The following VWA3B variants were observed in gnomAD, a reference collection of about 807,000 sequenced individuals.
VWA3B encodes the protein von Willebrand factor A domain containing 3B.
In VWA3B, 138 loss-of-function variants were observed where a neutral mutation model predicts 158.3. The observed-to-expected ratio is 0.87, with a 90% CI of 0.76 to 1.00. The LOEUF is 1.00. Ranked by LOEUF, VWA3B falls within the 50% of genes least tolerant of loss-of-function variation. The pLI, the probability that VWA3B is intolerant of heterozygous loss-of-function variation, is 0.00. For synonymous variants in VWA3B, 596 were observed against 587.3 expected, an observed-to-expected ratio of 1.01 and a Z score of -0.21; for missense variants, 1,555 against 1,565.1, an observed-to-expected ratio of 0.99 and a Z score of 0.11.
At chr2:98,131,292 T>C (rs1675851342) in intron 6 of VWA3B, among the ~76,000 whole-genome samples, 1 of 152,202 alleles carries the variant, frequency 6.6e-6, no homozygotes, top group African/African-American at 2.4e-5. Context: ...ATTTCCTTCT[T>C]TTTGTGGCTG....
chr2:98,290,805 C>A, intron 23 of VWA3B, 183 bp downstream of exon 23: 2 of 502,446 alleles, frequency 4.0e-6, no homozygotes, highest in African/African-American at 2.0e-5. Context: ...CGTATTTGGG[C>A]CCCCCAAAAA....
intron 5 of VWA3B, among the ~76,000 whole-genome samples, chr2:98,124,924 G>A (rs756893814): frequency 2.0e-5 from 3 of 152,198 alleles, no homozygotes; most frequent in Non-Finnish European, 2.9e-5. Flanking sequence ...GGAATTTCAA[G>A]TGAAAACATA....
At position 98,145,309 on chromosome 2, in the gene VWA3B, T is replaced by C. The variant is rs142804170; in HGVS notation, c.988+11370T>C. ...GTTGCTTTGTATGTGCCAGGCACTCTTCCAGCCTCTTACCAAATTCCAGCT... is the reference window on the plus strand; with the variant it reads ...GTTGCTTTGTATGTGCCAGGCACTCCTCCAGCCTCTTACCAAATTCCAGCT... On this transcript the variant is annotated intron_variant, in intron 7 of 27. Transcript: ENST00000477737. Among the ~76,000 whole-genome samples the C allele has an allele frequency of 1.9e-3, 289 of 152,356 alleles. 1 individual carries two copies. Among genetic ancestry groups the C allele is most frequent in the African/African-American group, 6.7e-3 (280 of 41,582 alleles).
the VWA3B span, among the ~76,000 whole-genome samples, chr2:98,329,242 A>T: frequency 3.3e-5 from 5 of 152,348 alleles, no homozygotes; most frequent in Middle Eastern, 3.4e-3. Context: ...AAATATCTAA[A>T]ACTTAGGAAG....
intron 9 of VWA3B, among the ~76,000 whole-genome samples, chr2:98,183,179 G>T (rs1052728245): frequency 7.0e-6 from 1 of 143,268 alleles, no homozygotes; most frequent in Admixed American, 6.9e-5. Flanking sequence ...TTAATATATA[G>T]TACAGCTCCC....
chr2:98,243,382 G>C (rs972751899), intron 19 of VWA3B, among the ~76,000 whole-genome samples: 1 of 151,902 alleles, frequency 6.6e-6, no homozygotes, highest in Admixed American at 6.6e-5. Flanking sequence ...TGCCCAGGCT[G>C]GAGTGCAATG....
chr2:98,130,864 T>C (rs1349002661), intron 6 of VWA3B, among the ~76,000 whole-genome samples: 2 of 152,256 alleles, frequency 1.3e-5, no homozygotes, highest in Non-Finnish European at 2.9e-5. Flanking sequence ...ATGCATAGCA[T>C]GTGGAATGAT....
intron 10 of VWA3B, among the ~76,000 whole-genome samples, chr2:98,188,816 GGTT>G (rs894837091): frequency 1.1e-4 from 16 of 152,148 alleles, no homozygotes; most frequent in African/African-American, 3.9e-4. Context: ...AAAAGGTGGG[GGTT>G]GTTTGGATTC....
At chr2:98,171,962 T>C (rs934216744) in intron 8 of VWA3B, among the ~76,000 whole-genome samples, 6 of 152,294 alleles carry the variant, frequency 3.9e-5, no homozygotes, top group African/African-American at 1.4e-4. Flanking sequence ...TAGGGGAGCA[T>C]ACAGATGGGC....
At chr2:98,202,576 A>G (rs960189075) in intron 12 of VWA3B, among the ~76,000 whole-genome samples, 2 of 151,966 alleles carry the variant, frequency 1.3e-5, no homozygotes, top group African/African-American at 4.8e-5. Flanking sequence ...TCCATTTCTT[A>G]GATCTAAGAA....
At chr2:98,135,785 A>C (rs1256113175) in intron 7 of VWA3B, among the ~76,000 whole-genome samples, 1 of 152,182 alleles carries the variant, frequency 6.6e-6, no homozygotes, top group African/African-American at 2.4e-5. Flanking sequence ...AAATGCCAAC[A>C]TTTCAAAGCC....
intron 2 of VWA3B, among the ~76,000 whole-genome samples, chr2:98,093,782 T>C (rs1682523550): frequency 6.6e-6 from 1 of 152,138 alleles, no homozygotes; most frequent in South Asian, 2.1e-4. Context: ...TTGACTAACA[T>C]CTTCCCGATT....
chr2:98,290,445 T>C, intron 22 of VWA3B, 66 bp from the exon 23 acceptor site: 1 of 1,182,614 alleles, frequency 8.5e-7, no homozygotes, highest in Non-Finnish European at 1.2e-6. Context: ...GGCTACCCAG[T>C]ATTTATCATT....
chr2:98,267,036 A>AT (rs1558743527), intron 21 of VWA3B, among the ~76,000 whole-genome samples: 1 of 151,706 alleles, frequency 6.6e-6, no homozygotes, highest in Non-Finnish European at 1.5e-5. Flanking sequence ...AATACCCTTT[A>AT]TTTTTTTCTC....
rs182948317 is a variant in VWA3B at position 98,088,270 on chromosome 2, A to G, written c.-33+907A>G. On this transcript the variant is annotated intron_variant, in intron 1 of 27. Transcript: ENST00000477737. ...GTATAGGAAGTTTGGGGTGTTGATA[A>G]TAAAGTAGCTAGAAGCTTATTGAAT... Among the ~76,000 whole-genome samples the G allele has an allele frequency of 7.2e-4, 109 of 152,336 alleles. No homozygotes were observed. The East Asian group carries it at 0.015, about 21-fold the overall frequency.
intron 9 of VWA3B, among the ~76,000 whole-genome samples, chr2:98,183,533 C>CAA (rs1287217564): frequency 6.6e-6 from 1 of 152,200 alleles, no homozygotes; most frequent in Non-Finnish European, 1.5e-5. Flanking sequence ...AAGGGAATTT[C>CAA]AGGCCAAGCC....
chr2:98,314,035 G>C (rs1691033161), downstream of VWA3B, among the ~76,000 whole-genome samples: 1 of 152,120 alleles, frequency 6.6e-6, no homozygotes, highest in Admixed American at 6.5e-5. Flanking sequence ...CAAAACACTG[G>C]GCGTCAGGTG....
At chr2:98,228,149 A>C in intron 14 of VWA3B, 53 bp from the exon 15 acceptor site, 3 of 1,527,640 alleles carry the variant, frequency 2.0e-6, no homozygotes, top group Non-Finnish European at 2.6e-6. Flanking sequence ...CATGTTTGGA[A>C]TTTGAGCTCT....
chr2:98,244,165 T>A (rs1295254722), intron 19 of VWA3B, among the ~76,000 whole-genome samples: 1 of 152,202 alleles, frequency 6.6e-6, no homozygotes, highest in Non-Finnish European at 1.5e-5. Context: ...ATGAACATTT[T>A]TCCTTACAAT....
Sources: gnomAD v4.1 joint callset for allele counts (sites outside exome capture counted in the v4.1 genomes callset) on GRCh38, gnomAD v4.1.1 for gene constraint, MANE v1.5 for transcripts, NCBI Gene and HGNC (gene_info 2026-07-23, HGNC 2026-07-21) for gene names.